TRMT11: variants seen among roughly 807,000 people sequenced by gnomAD.
The protein encoded by TRMT11 is tRNA methyltransferase 11.
Under a neutral mutation model 62.8 loss-of-function variants are expected in TRMT11, and 53 were observed. The observed-to-expected ratio is 0.84, with a 90% CI of 0.68 to 1.06. The LOEUF (loss-of-function observed/expected upper bound fraction) is 1.06, where lower values mean the gene tolerates loss of function less well. TRMT11 is among the 50% of genes least tolerant of loss of function. The pLI is 0.00. For missense variants in TRMT11, 556 were observed against 553.4 expected, an observed-to-expected ratio of 1.00 and a Z score of -0.05; for synonymous variants, 188 against 190.3, an observed-to-expected ratio of 0.99 and a Z score of 0.10.
intron 2 of TRMT11, among the ~76,000 whole-genome samples, chr6:125,995,464 A>G (rs1286530445): frequency 6.6e-6 from 1 of 152,202 alleles, no homozygotes; most frequent in Non-Finnish European, 1.5e-5. Context: ...ATAAAATATA[A>G]AATAGTAAAA....
chr6:126,114,806 T>C lies in TRMT11; in HGVS notation c.*1561+67T>C, dbSNP rs571054369. The stretch of plus-strand genomic sequence containing the variant: ...CAAAGAAGATTTTCTCTCAGCTATA[T>C]TACATCAGTTTTAGAAGGCACACAG... On this transcript the variant is annotated intron_variant and NMD_transcript_variant, in intron 19 of 22. Transcript: ENST00000648977. Among the ~76,000 whole-genome samples the C allele has an allele frequency of 2.0e-5, 3 of 152,158 alleles. No homozygotes were observed. In the East Asian group the frequency reaches 5.8e-4, roughly 29 times the overall value.
chr6:126,075,987 T>G (rs989794124), intron 17 of TRMT11, among the ~76,000 whole-genome samples: 10 of 152,204 alleles, frequency 6.6e-5, no homozygotes, highest in African/African-American at 2.4e-4. Context: ...CTGGGAAATG[T>G]ATTTTATGAG....
chr6:126,122,196 G>A (rs1376753918), intron 21 of TRMT11, among the ~76,000 whole-genome samples: 3 of 152,066 alleles, frequency 2.0e-5, no homozygotes, highest in Non-Finnish European at 2.9e-5. Context: ...GGAACTGGGA[G>A]CCCATTAAAC....
chr6:126,260,715 G>T, the TRMT11 span, among the ~76,000 whole-genome samples: 2 of 152,236 alleles, frequency 1.3e-5, no homozygotes, highest in African/African-American at 4.8e-5. Flanking sequence ...TTGACTGAAA[G>T]AATTTATTTG....
chr6:126,211,967 C>T, the TRMT11 span, among the ~76,000 whole-genome samples: 2 of 152,136 alleles, frequency 1.3e-5, no homozygotes, highest in Non-Finnish European at 2.9e-5. Flanking sequence ...CTTTTACTCT[C>T]TAAGAGTTCA....
intron 21 of TRMT11, among the ~76,000 whole-genome samples, chr6:126,158,654 A>G (rs1049383929): frequency 6.6e-6 from 1 of 152,210 alleles, no homozygotes; most frequent in Non-Finnish European, 1.5e-5. Flanking sequence ...TATTTTTTAC[A>G]TTCTAAATGC....
chr6:126,000,986 C>T (rs748384714), intron 7 of TRMT11, among the ~76,000 whole-genome samples: 1 of 152,114 alleles, frequency 6.6e-6, no homozygotes, highest in Non-Finnish European at 1.5e-5. Flanking sequence ...CATTTGGCCT[C>T]ATTTGTTTTA....
At chr6:126,249,919 G>A in the TRMT11 span, among the ~76,000 whole-genome samples, 1 of 152,040 alleles carries the variant, frequency 6.6e-6, no homozygotes, top group East Asian at 1.9e-4. Context: ...CTCTCAGTTT[G>A]GATAGGAAAT....
At chr6:126,238,892 T>C in the TRMT11 span, among the ~76,000 whole-genome samples, 1 of 152,206 alleles carries the variant, frequency 6.6e-6, no homozygotes, top group Admixed American at 6.5e-5. Flanking sequence ...ATCTGGGTGC[T>C]CCTGTATTGG....
At chr6:126,223,486 C>G in the TRMT11 span, among the ~76,000 whole-genome samples, 3 of 150,176 alleles carry the variant, frequency 2.0e-5, no homozygotes, top group Non-Finnish European at 4.4e-5. Flanking sequence ...GAATATAGGC[C>G]CCTGATGTCT....
At chr6:126,239,122 G>C in the TRMT11 span, among the ~76,000 whole-genome samples, 1 of 152,050 alleles carries the variant, frequency 6.6e-6, no homozygotes, top group Admixed American at 6.5e-5. Flanking sequence ...TGTGAGATGG[G>C]TTTCCTGAAT....
intron 16 of TRMT11, among the ~76,000 whole-genome samples, chr6:126,045,278 TACC>T: frequency 6.6e-6 from 1 of 152,170 alleles, no homozygotes. Flanking sequence ...GTATGTCTTT[TACC>T]AGTTTCAATG....
chr6:126,197,724 A>C (rs1310321332), intron 1 of TRMT11, among the ~76,000 whole-genome samples: 1 of 152,198 alleles, frequency 6.6e-6, no homozygotes, highest in East Asian at 1.9e-4. Context: ...TCTAAGAGAT[A>C]GGAATGCAAT....
intron 17 of TRMT11, among the ~76,000 whole-genome samples, chr6:126,053,427 A>G (rs1776273867): frequency 6.6e-6 from 1 of 151,912 alleles, no homozygotes; most frequent in South Asian, 2.1e-4. Flanking sequence ...TCCAGAGTCC[A>G]CTCACTCTAT....
At chr6:126,069,165 C>T (rs2128137161) in intron 17 of TRMT11, among the ~76,000 whole-genome samples, 1 of 152,360 alleles carries the variant, frequency 6.6e-6, no homozygotes, top group African/African-American at 2.4e-5. Context: ...GCCTTAACCA[C>T]CTGTAAGGCT....
chr6:126,087,184 G>A (rs1170254072), intron 17 of TRMT11, among the ~76,000 whole-genome samples: 5 of 152,092 alleles, frequency 3.3e-5, no homozygotes, highest in African/African-American at 4.8e-5. Context: ...TGTTCTAACC[G>A]AATACACTGT....
chr6:126,263,860 G>A, the TRMT11 span, among the ~76,000 whole-genome samples: 13 of 152,170 alleles, frequency 8.5e-5, no homozygotes, highest in Non-Finnish European at 1.5e-4. Context: ...AAAGGTTAGC[G>A]ATTAAGAGCA....
At chr6:126,092,723 T>A (rs1307814422) in intron 17 of TRMT11, among the ~76,000 whole-genome samples, 2 of 152,242 alleles carry the variant, frequency 1.3e-5, no homozygotes, top group Admixed American at 6.5e-5. Context: ...TTGGAATCCA[T>A]GGCAATTGCA....
At chr6:126,099,830 AG>A (rs1441085194) in intron 17 of TRMT11, among the ~76,000 whole-genome samples, 9 of 152,254 alleles carry the variant, frequency 5.9e-5, no homozygotes, top group Non-Finnish European at 1.3e-4. Flanking sequence ...TGAAAAGGAA[AG>A]CAGTCAGACT....
Sources: allele counts gnomAD v4.1 joint callset (sites outside exome capture counted in the v4.1 genomes callset), GRCh38; gene constraint gnomAD v4.1.1; transcripts MANE v1.5; gene names NCBI Gene and HGNC (gene_info 2026-07-23, HGNC 2026-07-21).